FAM53A: variants seen among roughly 807,000 people sequenced by gnomAD.
FAM53A encodes the protein family with sequence similarity 53 member A.
FAM53A carries 28 observed loss-of-function variants against 26.6 expected under a neutral mutation model. The observed-to-expected ratio is 1.05, with a 90% confidence interval of 0.78 to 1.45. The LOEUF (loss-of-function observed/expected upper bound fraction) is 1.45. FAM53A is among the 40% of genes most tolerant of loss of function. The probability of loss-of-function intolerance (pLI) is 0.00; values close to 1 mark genes in which losing one functional copy is unlikely to be tolerated. For synonymous variants in FAM53A, 290 were observed against 253.1 expected (o/e 1.15, Z -1.38); for missense variants, 650 against 575.8 (o/e 1.13, Z -1.32).
intron 1 of FAM53A, among the ~76,000 whole-genome samples, chr4:1,624,777 C>T (rs949029436): frequency 6.6e-6 from 1 of 152,216 alleles, no homozygotes; most frequent in East Asian, 1.9e-4. Context: ...CCCTGACATG[C>T]GGGCACACTC....
chr4:1,669,150 G>C (rs1714456164), intron 1 of FAM53A, among the ~76,000 whole-genome samples: 1 of 152,172 alleles, frequency 6.6e-6, no homozygotes, highest in Non-Finnish European at 1.5e-5. Flanking sequence ...GAAAGAAGAA[G>C]ATAGGCCACC....
chr4:1,637,715 T>C (rs1560126487), downstream of FAM53A, among the ~76,000 whole-genome samples: 1 of 152,006 alleles, frequency 6.6e-6, no homozygotes, highest in Non-Finnish European at 1.5e-5. Flanking sequence ...GTCTGAAGGA[T>C]CCCAGCCTTG....
intron 2 of FAM53A, among the ~76,000 whole-genome samples, chr4:1,667,775 T>C (rs1236878140): frequency 6.6e-6 from 1 of 152,092 alleles, no homozygotes; most frequent in Non-Finnish European, 1.5e-5. Context: ...AGGCCCAGGA[T>C]AGGCAGGCGC....
intron 1 of FAM53A, among the ~76,000 whole-genome samples, chr4:1,623,158 A>G (rs1715123773): frequency 6.6e-6 from 1 of 152,160 alleles, no homozygotes; most frequent in African/African-American, 2.4e-5. Context: ...GCCCTCCAGC[A>G]GTCCACGGCC....
chr4:1,665,002 G>A (rs1056829855), intron 2 of FAM53A, among the ~76,000 whole-genome samples: 2 of 150,776 alleles, frequency 1.3e-5, no homozygotes, highest in Admixed American at 6.6e-5. Flanking sequence ...ATAAATAAAT[G>A]AAAAATAATT....
intron 1 of FAM53A, among the ~76,000 whole-genome samples, chr4:1,624,947 T>A (rs1343768904): frequency 2.9e-5 from 4 of 137,660 alleles, no homozygotes; most frequent in Non-Finnish European, 1.5e-5. Context: ...CGCCAAGTGA[T>A]CAGAAGCCCC....
chr4:1,651,525 T>C (rs951576517), intron 4 of FAM53A, among the ~76,000 whole-genome samples: 8 of 106,572 alleles, frequency 7.5e-5, no homozygotes, highest in Admixed American at 4.4e-4. Flanking sequence ...AGAGCGAAAT[T>C]CTGTCTTAAA....
At chr4:1,625,080 G>T (rs1715226437) in intron 1 of FAM53A, among the ~76,000 whole-genome samples, 1 of 125,496 alleles carries the variant, frequency 8.0e-6, no homozygotes, top group Non-Finnish European at 1.6e-5. Flanking sequence ...ACGTGGTCAG[G>T]GTCACGCCAG....
intron 4 of FAM53A, among the ~76,000 whole-genome samples, chr4:1,647,127 GA>G (rs1197500518): frequency 6.6e-6 from 1 of 151,896 alleles, no homozygotes; most frequent in African/African-American, 2.4e-5. Context: ...CTGAGGTCTA[GA>G]GTTCGAGACC....
intron 1 of FAM53A, among the ~76,000 whole-genome samples, chr4:1,621,198 G>A (rs1310360108): frequency 6.9e-6 from 1 of 145,006 alleles, no homozygotes; most frequent in East Asian, 2.1e-4. Context: ...CGCCCCCCAG[G>A]GTTCATGCCA....
chr4:1,624,418 C>A (rs1300536181), intron 1 of FAM53A, among the ~76,000 whole-genome samples: 1 of 152,148 alleles, frequency 6.6e-6, no homozygotes, highest in Non-Finnish European at 1.5e-5. Flanking sequence ...GCGCCGTGAC[C>A]CCCCGAACCA....
downstream of FAM53A, among the ~76,000 whole-genome samples, chr4:1,637,906 C>G (rs1158001312): frequency 1.3e-5 from 2 of 151,818 alleles, no homozygotes; most frequent in Non-Finnish European, 2.9e-5. Context: ...GCCTCAGGCC[C>G]CCCATTCCTC....
At chr4:1,603,603 C>T in the FAM53A span, among the ~76,000 whole-genome samples, 3 of 152,298 alleles carry the variant, frequency 2.0e-5, no homozygotes, top group East Asian at 1.9e-4. Flanking sequence ...GGGGTCCAGC[C>T]TGGCTCTGGG....
chr4:1,621,114 T>TC (rs1715012903), intron 1 of FAM53A, among the ~76,000 whole-genome samples: 1 of 143,248 alleles, frequency 7.0e-6, no homozygotes, highest in Admixed American at 7.1e-5. Flanking sequence ...TTTTTTTTTT[T>TC]TTTTTTTTGA....
the FAM53A span, among the ~76,000 whole-genome samples, chr4:1,587,101 A>G: frequency 4.0e-3 from 607 of 152,202 alleles, 4 homozygotes; most frequent in African/African-American, 0.014. Flanking sequence ...TTTTCCTGCT[A>G]TTGGGTTGTT....
intron 4 of FAM53A, among the ~76,000 whole-genome samples, chr4:1,649,770 G>C (rs1169846739): frequency 6.6e-6 from 1 of 152,260 alleles, no homozygotes; most frequent in African/African-American, 2.4e-5. Flanking sequence ...AAGGAGGCCT[G>C]AGCAGAGCCT....
the FAM53A span, among the ~76,000 whole-genome samples, chr4:1,593,119 G>T: frequency 6.6e-6 from 1 of 152,168 alleles, no homozygotes; most frequent in South Asian, 2.1e-4. Context: ...GGCGTCCTGT[G>T]CGGGAGCCGG....
intron 2 of FAM53A, among the ~76,000 whole-genome samples, chr4:1,662,384 C>G (rs1713898495): frequency 6.8e-6 from 1 of 147,432 alleles, no homozygotes; most frequent in Non-Finnish European, 1.5e-5. Flanking sequence ...GAGGCTGAGG[C>G]AGAAGACTCT....
chr4:1,613,604 G>A (rs1714705350), downstream of FAM53A, among the ~76,000 whole-genome samples: 1 of 152,188 alleles, frequency 6.6e-6, no homozygotes, highest in African/African-American at 2.4e-5. Context: ...GACGTGCGTG[G>A]CTATGCGTGT....
Sources: allele counts gnomAD v4.1 joint callset (sites outside exome capture counted in the v4.1 genomes callset), GRCh38; gene constraint gnomAD v4.1.1; transcripts MANE v1.5; gene names NCBI Gene and HGNC (gene_info 2026-07-23, HGNC 2026-07-21).